The following FAT3 variants were observed in gnomAD, a reference collection of about 807,000 sequenced individuals.
FAT3 encodes FAT atypical cadherin 3.
A neutral mutation model predicts 310.2 loss-of-function variants in FAT3; 95 were observed. That is an observed-to-expected ratio of 0.31 (90% CI 0.26 to 0.36). The LOEUF is 0.36. FAT3 is among the 10% of genes least tolerant of loss of function. FAT3 has a pLI of 1.00. For missense variants in FAT3, 5,408 were observed against 5,715.6 expected (o/e 0.95, Z 1.74); for synonymous variants, 2,314 against 2,192.9 (o/e 1.06, Z -1.54).
chr11:92,842,350 A>T (rs534081546), intron 18 of FAT3, among the ~76,000 whole-genome samples: 1 of 152,098 alleles, frequency 6.6e-6, no homozygotes, highest in Non-Finnish European at 1.5e-5. Flanking sequence ...CTCTCACCTT[A>T]TACCCAGCAG....
At chr11:92,786,273 A>G (rs550632855) in intron 7 of FAT3, among the ~76,000 whole-genome samples, 15 of 152,320 alleles carry the variant, frequency 9.8e-5, no homozygotes, top group African/African-American at 3.6e-4. Flanking sequence ...ATTAACATCC[A>G]GAAACAATAA....
chr11:92,509,012 A>T (rs1953203161), intron 2 of FAT3, among the ~76,000 whole-genome samples: 1 of 152,126 alleles, frequency 6.6e-6, no homozygotes, highest in Non-Finnish European at 1.5e-5. Flanking sequence ...TCTCAGCAGA[A>T]TTTTCAGCAC....
At chr11:92,387,495 TA>T (rs1366082363) in intron 2 of FAT3, among the ~76,000 whole-genome samples, 1 of 151,662 alleles carries the variant, frequency 6.6e-6, no homozygotes, top group Non-Finnish European at 1.5e-5. Flanking sequence ...GAAGTAAGGG[TA>T]GGGGAGAAGG....
intron 3 of FAT3, among the ~76,000 whole-genome samples, chr11:92,645,519 T>C (rs996715249): frequency 2.0e-5 from 3 of 152,258 alleles, no homozygotes; most frequent in African/African-American, 4.8e-5. Flanking sequence ...TAAACATCTT[T>C]TCATTATACC....
intron 1 of FAT3, among the ~76,000 whole-genome samples, chr11:92,309,142 G>A (rs1194240328): frequency 1.3e-5 from 2 of 151,816 alleles, no homozygotes; most frequent in African/African-American, 4.8e-5. Flanking sequence ...AGCTTGTTTT[G>A]TGTTATGTTT....
chr11:92,840,562 GA>G lies in FAT3; in HGVS notation c.10373del (p.Asn3458IlefsTer13). 6.3e-7 allele frequency: 1 copy of G among 1,580,578 alleles called. No homozygotes were observed. Among genetic ancestry groups the G allele is most frequent in the Non-Finnish European group, 8.7e-7 (1 of 1,155,014 alleles). On this transcript the variant is annotated frameshift_variant and splice_region_variant, in exon 18 of 28. Coordinates refer to ENST00000525166, the MANE Select transcript of FAT3 (RefSeq NM_001367949.2). LOFTEE classifies it high-confidence loss of function. The stretch of plus-strand genomic sequence containing the variant: ...TTTTACTATATACTCTTTTATGCAG[GA>G]AAATAAGCCAGTGGGCACCAGCATC... ...TPANYTAVIQ[E>X]NKPVGTSILQ...
intron 1 of FAT3, among the ~76,000 whole-genome samples, chr11:92,300,828 T>C (rs1484783525): frequency 6.6e-6 from 1 of 152,120 alleles, no homozygotes; most frequent in Non-Finnish European, 1.5e-5. Context: ...TGACATTTAG[T>C]TTCTGGTATT....
chr11:92,700,580 G>T (rs1944068333), intron 4 of FAT3, among the ~76,000 whole-genome samples: 1 of 152,162 alleles, frequency 6.6e-6, no homozygotes, highest in Non-Finnish European at 1.5e-5. Flanking sequence ...ATCCTATCAT[G>T]ATTTCAGCTA....
At chr11:92,229,335 T>C (rs1034606879) in intron 1 of FAT3, among the ~76,000 whole-genome samples, 2 of 145,218 alleles carry the variant, frequency 1.4e-5, no homozygotes, top group African/African-American at 5.1e-5. Flanking sequence ...GTGACAACTT[T>C]CTCTGGGAAG....
chr11:92,425,910 T>G (rs1460885723), intron 2 of FAT3, among the ~76,000 whole-genome samples: 1 of 152,152 alleles, frequency 6.6e-6, no homozygotes, highest in Non-Finnish European at 1.5e-5. Flanking sequence ...GCAATGGTAT[T>G]ATTGTATCAA....
intron 2 of FAT3, among the ~76,000 whole-genome samples, chr11:92,394,802 A>G (rs1007175243): frequency 1.3e-5 from 2 of 152,226 alleles, no homozygotes; most frequent in African/African-American, 2.4e-5. Flanking sequence ...TATAGATGCC[A>G]TAGAATATTC....
intron 2 of FAT3, among the ~76,000 whole-genome samples, chr11:92,398,689 G>A (rs1283574798): frequency 1.3e-5 from 2 of 152,066 alleles, no homozygotes; most frequent in African/African-American, 2.4e-5. Flanking sequence ...AACCTATTGT[G>A]TTTAGGGAGA....
chr11:92,340,095 G>C (rs1392600884), intron 1 of FAT3, among the ~76,000 whole-genome samples: 1 of 117,074 alleles, frequency 8.5e-6, no homozygotes, highest in East Asian at 2.6e-4. Flanking sequence ...CTGGGCAACA[G>C]AGCAAGACTC....
intron 2 of FAT3, among the ~76,000 whole-genome samples, chr11:92,476,559 G>C (rs1016129797): frequency 2.0e-5 from 3 of 152,178 alleles, no homozygotes; most frequent in African/African-American, 4.8e-5. Context: ...AGAAAGCAGA[G>C]AGCAAATGAA....
At chr11:92,880,148 T>C (rs1277031717) in intron 22 of FAT3, among the ~76,000 whole-genome samples, 1 of 150,594 alleles carries the variant, frequency 6.6e-6, no homozygotes, top group East Asian at 1.9e-4. Context: ...GTGAAAAAAA[T>C]GCAAAAATCA....
chr11:92,585,022 C>T (rs1436004798), intron 3 of FAT3, among the ~76,000 whole-genome samples: 1 of 151,560 alleles, frequency 6.6e-6, no homozygotes, highest in East Asian at 1.9e-4. Flanking sequence ...GAAATGCTAA[C>T]TGCTAAAAAA....
intron 2 of FAT3, among the ~76,000 whole-genome samples, chr11:92,416,991 CCAGT>C (rs762394695): frequency 6.6e-5 from 10 of 152,064 alleles, no homozygotes; most frequent in Admixed American, 3.3e-4. Flanking sequence ...TTGGAAAATA[CCAGT>C]CAGACAGGAC....
Position 92,542,614 on chromosome 11 carries a change from G to C in FAT3, c.3607+17666G>C, listed in dbSNP as rs142521497. Reference sequence around the variant, plus strand: ...ATACTCAACATTACTTATCATCAGAGAAATGCAAATTGAGATATCACCCCA... The same window carrying C: ...ATACTCAACATTACTTATCATCAGACAAATGCAAATTGAGATATCACCCCA... On this transcript the variant is annotated intron_variant, in intron 3 of 27. Coordinates refer to ENST00000525166, the MANE Select transcript of FAT3 (RefSeq NM_001367949.2). Among the ~76,000 whole-genome samples, 23 of 151,868 alleles carry C rather than the reference G, an allele frequency of 1.5e-4. No homozygotes were observed. In the East Asian group the frequency reaches 4.1e-3, roughly 27 times the overall value.
chr11:92,428,888 A>G (rs1474538905), intron 2 of FAT3, among the ~76,000 whole-genome samples: 3 of 152,278 alleles, frequency 2.0e-5, no homozygotes, highest in Middle Eastern at 6.8e-3. Context: ...GCAGATGTCT[A>G]TTAGGTCCAC....
Sources: allele counts gnomAD v4.1 joint callset (sites outside exome capture counted in the v4.1 genomes callset), GRCh38; gene constraint gnomAD v4.1.1; transcripts MANE v1.5; gene names NCBI Gene and HGNC (gene_info 2026-07-23, HGNC 2026-07-21).